Variants in SUPT3H observed in about 807,000 individuals in gnomAD.
The protein encoded by SUPT3H is transcription initiation protein SPT3 homolog.
SUPT3H carries 44 observed loss-of-function variants against 44.3 expected under a neutral mutation model. The observed-to-expected ratio is 0.99, with a 90% CI of 0.78 to 1.28. The LOEUF is 1.28. Among genes scored for constraint, SUPT3H ranks in the 50% most tolerant of loss-of-function variants. SUPT3H has a pLI of 0.00. For missense variants in SUPT3H, 380 were observed against 387.1 expected (o/e 0.98, Z 0.15); for synonymous variants, 124 against 125.6 (o/e 0.99, Z 0.09).
intron 10 of SUPT3H, among the ~76,000 whole-genome samples, chr6:44,894,979 A>G (rs1316491177): frequency 6.6e-6 from 1 of 151,974 alleles, no homozygotes; most frequent in East Asian, 1.9e-4. Context: ...GCATGAAGAG[A>G]AATACCTCTA....
intron 2 of SUPT3H, among the ~76,000 whole-genome samples, chr6:45,313,928 A>G (rs1784341343): frequency 6.6e-6 from 1 of 152,238 alleles, no homozygotes; most frequent in Admixed American, 6.5e-5. Context: ...GTAACACATC[A>G]AAAAGATAAT....
At chr6:45,371,983 C>G in intron 1 of SUPT3H, 2 of 864,334 alleles carry the variant, frequency 2.3e-6, no homozygotes, top group Non-Finnish European at 2.8e-6. Flanking sequence ...GGTCCCCCGA[C>G]ACCTGGTCCA....
chr6:45,161,904 G>A (rs1481579142), intron 2 of SUPT3H, among the ~76,000 whole-genome samples: 2 of 152,108 alleles, frequency 1.3e-5, no homozygotes, highest in African/African-American at 4.8e-5. Context: ...ACCAGGAGAT[G>A]AAGGATGATG....
intron 9 of SUPT3H, among the ~76,000 whole-genome samples, chr6:44,941,999 G>C (rs533000650): frequency 2.2e-4 from 33 of 152,158 alleles, no homozygotes; most frequent in African/African-American, 7.2e-4. Flanking sequence ...GACATAGACT[G>C]GGATAATACT....
intron 2 of SUPT3H, among the ~76,000 whole-genome samples, chr6:45,209,203 T>A (rs1381400772): frequency 6.6e-6 from 1 of 152,226 alleles, no homozygotes; most frequent in East Asian, 1.9e-4. Flanking sequence ...TCATGCCTGC[T>A]AGCACAACAT....
chr6:45,286,105 T>C (rs1370217274), intron 2 of SUPT3H, among the ~76,000 whole-genome samples: 1 of 151,270 alleles, frequency 6.6e-6, no homozygotes, highest in Admixed American at 6.6e-5. Flanking sequence ...TCAAGATGGA[T>C]TAAAGACTTA....
At chr6:44,868,692 T>G (rs1328680522) in intron 10 of SUPT3H, among the ~76,000 whole-genome samples, 6 of 152,186 alleles carry the variant, frequency 3.9e-5, no homozygotes, top group Admixed American at 3.3e-4. Flanking sequence ...CTTCCCCTCT[T>G]TGGAGCTCCT....
intron 10 of SUPT3H, among the ~76,000 whole-genome samples, chr6:44,904,524 A>C (rs1160231026): frequency 6.6e-6 from 1 of 152,254 alleles, no homozygotes; most frequent in African/African-American, 2.4e-5. Flanking sequence ...AAAAGAGGAC[A>C]CAAACAAATG....
rs531981468 is a variant in SUPT3H at position 45,219,915 on chromosome 6, C to T, written c.102-113909G>A. The stretch of plus-strand genomic sequence containing the variant: ...TTAGCTGGGTGTGGTGGCACGTGCC[C>T]GTAGTCCCAGCTATTTGGGAGGCTG... On this transcript the variant is annotated intron_variant, in intron 2 of 10. Coordinates refer to ENST00000371459, the MANE Select transcript of SUPT3H (RefSeq NM_003599.4). Among the ~76,000 whole-genome samples, 8 of 151,158 alleles carry T rather than the reference C, an allele frequency of 5.3e-5. No individual in the cohort carries two copies. The South Asian group carries it at 1.5e-3, about 28-fold the overall frequency.
chr6:44,881,062 T>C (rs934970203), intron 10 of SUPT3H, among the ~76,000 whole-genome samples: 3 of 152,132 alleles, frequency 2.0e-5, no homozygotes, highest in Non-Finnish European at 1.5e-5. Context: ...ATAATATTAA[T>C]GTAAACAGGC....
At chr6:44,817,808 A>G (rs1306117750) in intron 11 of SUPT3H, among the ~76,000 whole-genome samples, 1 of 152,170 alleles carries the variant, frequency 6.6e-6, no homozygotes, top group African/African-American at 2.4e-5. Context: ...TGAAAGCTAT[A>G]AAACATTGAT....
intron 6 of SUPT3H, among the ~76,000 whole-genome samples, chr6:44,993,823 T>A (rs1780919117): frequency 6.6e-6 from 1 of 152,064 alleles, no homozygotes; most frequent in South Asian, 2.1e-4. Flanking sequence ...TAACAATGAG[T>A]TATCCTAATG....
At chr6:45,114,209 C>A (rs1039540054) in intron 2 of SUPT3H, among the ~76,000 whole-genome samples, 10 of 152,008 alleles carry the variant, frequency 6.6e-5, no homozygotes, top group Non-Finnish European at 1.5e-4. Flanking sequence ...CAAATATTGA[C>A]TGATTGCCTG....
At position 44,843,674 on chromosome 6, in the gene SUPT3H, A is replaced by G. The variant is rs1048756328; in HGVS notation, c.913-13817T>C. The stretch of plus-strand genomic sequence containing the variant: ...ATTAGGGGACTCTTAAAATATGTGT[A>G]AGACCTGTACAATGAAAACTACAAA... On this transcript the variant is annotated intron_variant, in intron 10 of 10. Coordinates refer to ENST00000371459, the MANE Select transcript of SUPT3H (RefSeq NM_003599.4). Among the ~76,000 whole-genome samples the G allele has an allele frequency of 2.0e-5, 3 of 152,290 alleles. No homozygotes were observed. The East Asian group carries it at 5.8e-4, about 29-fold the overall frequency.
At chr6:45,307,029 G>A (rs1388115288) in intron 2 of SUPT3H, among the ~76,000 whole-genome samples, 3 of 152,236 alleles carry the variant, frequency 2.0e-5, no homozygotes, top group Non-Finnish European at 4.4e-5. Context: ...TGCTAGCACA[G>A]CTGTCTGAGA....
Position 44,829,868 on chromosome 6 carries a change from A to C in SUPT3H, c.913-11T>G. 1 of 1,613,034 alleles carries C rather than the reference A, an allele frequency of 6.2e-7. No individual in the cohort carries two copies. The highest frequency in any genetic ancestry group is 8.5e-7 in the Non-Finnish European group (1 of 1,179,074). On this transcript the variant is annotated splice_polypyrimidine_tract_variant and intron_variant, in intron 10 of 10. Coordinates refer to ENST00000371459, the MANE Select transcript of SUPT3H (RefSeq NM_003599.4). ...CCTGCGGTAGGCATTCTGTCAAAGA[A>C]AAAGAAATCTGCAATGAATTATCAC... is the stretch of plus-strand genomic sequence containing the variant.
At chr6:45,057,073 C>T (rs764781468) in intron 3 of SUPT3H, among the ~76,000 whole-genome samples, 1 of 151,908 alleles carries the variant, frequency 6.6e-6, no homozygotes, top group Non-Finnish European at 1.5e-5. Flanking sequence ...AAAACAAATA[C>T]AATTGTCTTT....
At chr6:44,949,812 C>A (rs1773996021) in intron 9 of SUPT3H, among the ~76,000 whole-genome samples, 1 of 152,152 alleles carries the variant, frequency 6.6e-6, no homozygotes, top group African/African-American at 2.4e-5. Flanking sequence ...TGTGGAGCAA[C>A]TGGAACTCTA....
At position 44,912,259 on chromosome 6, in the gene SUPT3H, T is replaced by C. The variant is rs576215434; in HGVS notation, c.912+20394A>G. ...AATTCCTCCTCTTCCCCCACTGCTG[T>C]AGCTTCTAATCTACTTTCTGCCTGT... is the stretch of plus-strand genomic sequence containing the variant. On this transcript the variant is annotated intron_variant, in intron 10 of 10. Coordinates refer to ENST00000371459, the MANE Select transcript of SUPT3H (RefSeq NM_003599.4). 2.6e-5 allele frequency among the ~76,000 whole-genome samples: 4 copies of C among 152,314 alleles called. No individual in the cohort carries two copies. In the South Asian group the frequency reaches 8.3e-4, roughly 32 times the overall value.
Sources: gnomAD v4.1 joint callset for allele counts (sites outside exome capture counted in the v4.1 genomes callset) on GRCh38, gnomAD v4.1.1 for gene constraint, MANE v1.5 for transcripts, NCBI Gene and HGNC (gene_info 2026-07-23, HGNC 2026-07-21) for gene names.